NRXN3: variants seen among roughly 807,000 people sequenced by gnomAD.
NRXN3 encodes neurexin 3.
Under a neutral mutation model 137.6 loss-of-function variants are expected in NRXN3, and 32 were observed. That is an observed-to-expected ratio of 0.23 (90% confidence interval 0.18 to 0.31). The LOEUF (loss-of-function observed/expected upper bound fraction) is 0.31. Among genes scored for constraint, NRXN3 ranks in the 10% least tolerant of loss-of-function variants. The pLI is 1.00. For synonymous variants in NRXN3, 798 were observed against 784.5 expected, an observed-to-expected ratio of 1.02 and a Z score of -0.29; for missense variants, 1,574 against 2,062.5, an observed-to-expected ratio of 0.76 and a Z score of 4.59.
At chr14:78,382,903 A>G (rs540254208) in intron 4 of NRXN3, among the ~76,000 whole-genome samples, 1 of 152,220 alleles carries the variant, frequency 6.6e-6, no homozygotes, top group Non-Finnish European at 1.5e-5. Flanking sequence ...CTGAGATCAC[A>G]CTGCAGGAGT....
intron 18 of NRXN3, among the ~76,000 whole-genome samples, chr14:79,694,224 A>T (rs983192681): frequency 3.3e-5 from 5 of 151,898 alleles, no homozygotes; most frequent in African/African-American, 1.2e-4. Flanking sequence ...ACCTCTCTAT[A>T]TCTCAGATTT....
chr14:79,290,697 G>T (rs893976691), intron 15 of NRXN3, among the ~76,000 whole-genome samples: 2 of 151,722 alleles, frequency 1.3e-5, no homozygotes, highest in East Asian at 3.9e-4. Flanking sequence ...CCACCACGCT[G>T]GTTGAAAATT....
chr14:78,592,040 C>T (rs1481015773), intron 4 of NRXN3, among the ~76,000 whole-genome samples: 3 of 152,084 alleles, frequency 2.0e-5, no homozygotes, highest in Non-Finnish European at 2.9e-5. Flanking sequence ...ACAATAGTTG[C>T]CAGACCTATT....
At position 79,388,232 on chromosome 14, in the gene NRXN3, G is replaced by A. The variant is rs917439958; in HGVS notation, c.3263-78989G>A. Among the ~76,000 whole-genome samples, 3 of 151,834 alleles carry A rather than the reference G, an allele frequency of 2.0e-5. No individual in the cohort carries two copies. The East Asian group carries it at 5.8e-4, about 29-fold the overall frequency. On this transcript the variant is annotated intron_variant, in intron 15 of 20. Transcript: ENST00000335750. Reference sequence around the variant, plus strand: ...CTGCCATGAGTAAAAGATCCCTGAGGCCTCTCCAAAACCTGAGCAGATGCC... The same window carrying A: ...CTGCCATGAGTAAAAGATCCCTGAGACCTCTCCAAAACCTGAGCAGATGCC...
intron 15 of NRXN3, among the ~76,000 whole-genome samples, chr14:79,325,599 G>A (rs1051984452): frequency 6.6e-5 from 10 of 152,166 alleles, no homozygotes; most frequent in African/African-American, 2.2e-4. Context: ...AATTTGTCTT[G>A]TTTTTAGAGG....
At chr14:79,760,246 C>G (rs1194735849) in intron 19 of NRXN3, among the ~76,000 whole-genome samples, 1 of 151,508 alleles carries the variant, frequency 6.6e-6, no homozygotes, top group Admixed American at 6.6e-5. Context: ...AATTAAGACC[C>G]AGTGATAGTT....
At chr14:79,120,130 T>C (rs1386133394) in intron 15 of NRXN3, among the ~76,000 whole-genome samples, 1 of 152,156 alleles carries the variant, frequency 6.6e-6, no homozygotes, top group East Asian at 1.9e-4. Context: ...TATTATCAAA[T>C]GGCCAGCGAG....
chr14:79,281,209 G>A (rs141466547), intron 15 of NRXN3, among the ~76,000 whole-genome samples: 58 of 152,246 alleles, frequency 3.8e-4, no homozygotes, highest in South Asian at 2.3e-3. Flanking sequence ...TGTAAGATAA[G>A]GCTAAGTTCA....
intron 1 of NRXN3, among the ~76,000 whole-genome samples, chr14:78,237,123 G>A (rs2066423786): frequency 6.6e-6 from 1 of 152,194 alleles, no homozygotes; most frequent in Non-Finnish European, 1.5e-5. Context: ...TGGGCAAATG[G>A]GTGTGGAGAG....
At chr14:79,192,419 G>C (rs529022883) in intron 15 of NRXN3, among the ~76,000 whole-genome samples, 4 of 152,224 alleles carry the variant, frequency 2.6e-5, no homozygotes, top group African/African-American at 9.6e-5. Flanking sequence ...TAGGTAATAT[G>C]CAACCTTGAA....
rs535092886 is a variant in NRXN3, at chr14:78,807,752, A to G, written c.2249-2566A>G. ...TCTGTCTCAAAAAAAAAAAAAAAAA[A>G]AAAGAAAGAAAAGAAAAAGAAAGAG... On this transcript the variant is annotated intron_variant, in intron 9 of 20. Transcript: ENST00000335750. 8.1e-4 allele frequency among the ~76,000 whole-genome samples: 92 copies of G among 113,644 alleles called. 1 individual carries two copies. The highest frequency in any genetic ancestry group is 2.9e-3 in the African/African-American group (88 of 30,766). 74.6% of individuals were successfully genotyped at this position (113,644 alleles called of 152,430 possible). A position where few individuals can be genotyped will look rare whatever the true frequency, so the allele number is the denominator to read the frequency against.
chr14:78,685,812 T>TC, intron 6 of NRXN3, among the ~76,000 whole-genome samples: 2 of 112,704 alleles, frequency 1.8e-5, no homozygotes, highest in Middle Eastern at 5.1e-3. Flanking sequence ...TTTTCTTTCT[T>TC]TTTTTTTTTT....
intron 4 of NRXN3, among the ~76,000 whole-genome samples, chr14:78,335,784 A>G (rs1182754576): frequency 6.6e-6 from 1 of 152,138 alleles, no homozygotes; most frequent in African/African-American, 2.4e-5. Flanking sequence ...CACTCTCTGC[A>G]TGAAAAGCCC....
At chr14:78,758,797 G>A (rs192449929) in intron 8 of NRXN3, among the ~76,000 whole-genome samples, 81 of 152,298 alleles carry the variant, frequency 5.3e-4, no homozygotes, top group African/African-American at 1.9e-3. Flanking sequence ...AACATACTTA[G>A]CATAAAGCCT....
intron 15 of NRXN3, among the ~76,000 whole-genome samples, chr14:79,408,269 A>G (rs1228322852): frequency 2.0e-5 from 3 of 152,134 alleles, no homozygotes; most frequent in Non-Finnish European, 4.4e-5. Flanking sequence ...TTGCTCCTCA[A>G]AACCAAACAC....
At chr14:78,359,658 G>C (rs965156847) in intron 4 of NRXN3, among the ~76,000 whole-genome samples, 2 of 152,110 alleles carry the variant, frequency 1.3e-5, no homozygotes, top group African/African-American at 4.8e-5. Context: ...GGGTGTGGAC[G>C]ATGCCTTGAT....
chr14:79,694,602 A>G (rs2154027236), intron 18 of NRXN3, among the ~76,000 whole-genome samples: 1 of 152,140 alleles, frequency 6.6e-6, no homozygotes, highest in African/African-American at 2.4e-5. Flanking sequence ...GAAAATAATG[A>G]GAATAATGAG....
chr14:78,841,131 A>G (rs1227164355), intron 10 of NRXN3, among the ~76,000 whole-genome samples: 3 of 152,138 alleles, frequency 2.0e-5, no homozygotes, highest in Admixed American at 2.0e-4. Context: ...CAAGATTCCT[A>G]TCATGTCACA....
At chr14:79,307,394 C>T (rs1027640122) in intron 15 of NRXN3, among the ~76,000 whole-genome samples, 5 of 152,010 alleles carry the variant, frequency 3.3e-5, no homozygotes, top group Non-Finnish European at 7.4e-5. Context: ...CTTCAAAATC[C>T]ATGAGTTCAT....
Sources: gnomAD v4.1 joint callset for allele counts (sites outside exome capture counted in the v4.1 genomes callset) on GRCh38, gnomAD v4.1.1 for gene constraint, MANE v1.5 for transcripts, NCBI Gene and HGNC (gene_info 2026-07-23, HGNC 2026-07-21) for gene names.